PDE4B: variants seen among roughly 807,000 people sequenced by gnomAD.
PDE4B encodes the protein phosphodiesterase 4B, also known as 3',5'-cyclic-AMP phosphodiesterase 4B.
A neutral mutation model predicts 82.2 loss-of-function variants in PDE4B; 20 were observed. That is an observed-to-expected ratio of 0.24 (90% CI 0.17 to 0.35). The LOEUF is 0.35. Among genes scored for constraint, PDE4B ranks in the 10% least tolerant of loss-of-function variants. PDE4B has a pLI of 1.00. For missense variants in PDE4B, 655 were observed against 907.2 expected (o/e 0.72, Z 3.57); for synonymous variants, 320 against 318.9 (o/e 1.00, Z -0.04).
At chr1:65,802,153 T>C (rs1402636436) in intron 1 of PDE4B, among the ~76,000 whole-genome samples, 2 of 152,188 alleles carry the variant, frequency 1.3e-5, no homozygotes, top group East Asian at 3.9e-4. Context: ...CATACAATGC[T>C]ACAACCAGCA....
chr1:66,232,967 C>A (rs898397079), intron 3 of PDE4B, among the ~76,000 whole-genome samples: 1 of 152,070 alleles, frequency 6.6e-6, no homozygotes, highest in African/African-American at 2.4e-5. Context: ...AACCACAAGT[C>A]TTTTTAAAAC....
chr1:65,825,894 T>G (rs2101266604), intron 1 of PDE4B, among the ~76,000 whole-genome samples: 1 of 152,284 alleles, frequency 6.6e-6, no homozygotes, highest in South Asian at 2.1e-4. Context: ...GCTACATCCT[T>G]CTGGTACTGG....
chr1:66,107,523 A>C (rs1645391014), intron 3 of PDE4B, among the ~76,000 whole-genome samples: 1 of 151,390 alleles, frequency 6.6e-6, no homozygotes, highest in South Asian at 2.1e-4. Context: ...AAACAAACAA[A>C]AAAAAAAACC....
intron 3 of PDE4B, among the ~76,000 whole-genome samples, chr1:65,933,444 G>A (rs1008585214): frequency 2.0e-5 from 3 of 152,154 alleles, no homozygotes; most frequent in Non-Finnish European, 4.4e-5. Flanking sequence ...TGTAATCCCA[G>A]CATTTTGGGA....
chr1:65,967,975 A>G (rs999456272), intron 3 of PDE4B, among the ~76,000 whole-genome samples: 36 of 152,204 alleles, frequency 2.4e-4, no homozygotes, highest in Admixed American at 2.2e-3. Flanking sequence ...TATGTAACAA[A>G]CCTGCATGTT....
intron 7 of PDE4B, among the ~76,000 whole-genome samples, chr1:66,290,843 G>A (rs1423884180): frequency 1.3e-5 from 2 of 152,128 alleles, no homozygotes; most frequent in East Asian, 3.9e-4. Context: ...AGAAACCATG[G>A]CTCCATGAAA....
intron 16 of PDE4B, among the ~76,000 whole-genome samples, chr1:66,369,729 T>A (rs1215958823): frequency 6.6e-6 from 1 of 151,698 alleles, no homozygotes; most frequent in Non-Finnish European, 1.5e-5. Flanking sequence ...TTATTTTCAG[T>A]ATTTATCCTC....
chr1:65,825,827 C>T (rs926125461), intron 1 of PDE4B, among the ~76,000 whole-genome samples: 1 of 151,732 alleles, frequency 6.6e-6, no homozygotes, highest in African/African-American at 2.4e-5. Context: ...CTTTAGTTTT[C>T]CTTTCCTGAG....
intron 1 of PDE4B, among the ~76,000 whole-genome samples, chr1:65,887,251 CTTTCTTTCT>C (rs774808277): frequency 0.015 from 408 of 27,952 alleles, 26 homozygotes; most frequent in African/African-American, 0.049. Flanking sequence ...TCTTTCTTTT[CTTTCTTTCT>C]TTCCTTCCTT....
chr1:66,247,299 G>C (rs1222880646), intron 3 of PDE4B, among the ~76,000 whole-genome samples, 161 bp from the exon 4 acceptor site: 1 of 152,202 alleles, frequency 6.6e-6, no homozygotes, highest in Admixed American at 6.5e-5. Flanking sequence ...AATAATGACT[G>C]CAACTCTAAG....
chr1:66,016,885 T>A (rs1238135631), intron 3 of PDE4B, among the ~76,000 whole-genome samples: 1 of 152,128 alleles, frequency 6.6e-6, no homozygotes, highest in Non-Finnish European at 1.5e-5. Context: ...CAAGTCAGAC[T>A]TGTGTTGGAG....
intron 3 of PDE4B, among the ~76,000 whole-genome samples, chr1:66,198,854 T>C (rs1648590725): frequency 1.3e-5 from 2 of 150,862 alleles, no homozygotes; most frequent in Admixed American, 1.3e-4. Flanking sequence ...AGTGAGAACA[T>C]GCGGTGTTTG....
chr1:66,146,621 A>G (rs1035582967), intron 3 of PDE4B, among the ~76,000 whole-genome samples: 5 of 152,160 alleles, frequency 3.3e-5, no homozygotes, highest in African/African-American at 1.2e-4. Context: ...TGTGCAATAA[A>G]AAATGCACAG....
chr1:65,962,574 A>T (rs575039530), intron 3 of PDE4B, among the ~76,000 whole-genome samples: 1 of 152,314 alleles, frequency 6.6e-6, no homozygotes, highest in South Asian at 2.1e-4. Context: ...TAGGGAGATT[A>T]TCCAAATTTG....
intron 8 of PDE4B, among the ~76,000 whole-genome samples, chr1:66,334,856 C>T (rs896732004): frequency 2.0e-5 from 3 of 152,118 alleles, no homozygotes; most frequent in South Asian, 2.1e-4. Flanking sequence ...CCTGTAATCC[C>T]AGCACTTTGG....
At chr1:66,150,169 A>C (rs921572201) in intron 3 of PDE4B, among the ~76,000 whole-genome samples, 1 of 152,138 alleles carries the variant, frequency 6.6e-6, no homozygotes, top group African/African-American at 2.4e-5. Context: ...GAAATCAGGA[A>C]TAGTAAATCC....
chr1:66,364,649 A>G (rs955988680), intron 12 of PDE4B, among the ~76,000 whole-genome samples: 2 of 152,220 alleles, frequency 1.3e-5, no homozygotes, highest in African/African-American at 2.4e-5. Context: ...AAGAAATCCA[A>G]GAAATCTTGA....
At chr1:66,325,966 C>G (rs909772324) in intron 7 of PDE4B, among the ~76,000 whole-genome samples, 2 of 152,152 alleles carry the variant, frequency 1.3e-5, no homozygotes, top group Non-Finnish European at 2.9e-5. Context: ...GGGCACATTG[C>G]TATTAAATGG....
At chr1:66,156,060 T>A (rs1215249278) in intron 3 of PDE4B, among the ~76,000 whole-genome samples, 1 of 152,196 alleles carries the variant, frequency 6.6e-6, no homozygotes, top group Non-Finnish European at 1.5e-5. Flanking sequence ...AGTGTCTAAA[T>A]GTTATTATCC....
Sources: gnomAD v4.1 joint callset for allele counts (sites outside exome capture counted in the v4.1 genomes callset) on GRCh38, gnomAD v4.1.1 for gene constraint, MANE v1.5 for transcripts, NCBI Gene and HGNC (gene_info 2026-07-23, HGNC 2026-07-21) for gene names.